TRPC5: variants seen among roughly 807,000 people sequenced by gnomAD.
The protein encoded by TRPC5 is transient receptor potential cation channel subfamily C member 5, also known as short transient receptor potential channel 5.
Under a neutral mutation model 56.5 loss-of-function variants are expected in TRPC5, and 9 were observed. That is an observed-to-expected ratio of 0.16 (90% CI 0.10 to 0.28). The LOEUF is 0.28. TRPC5 is among the 10% of genes least tolerant of loss of function. The pLI is 1.00. For synonymous variants in TRPC5, 282 were observed against 278.5 expected (o/e 1.01, Z -0.13); for missense variants, 469 against 748.9 (o/e 0.63, Z 4.36).
intron 1 of TRPC5, among the ~76,000 whole-genome samples, chrX:112,041,711 A>G (rs1042208514): frequency 8.9e-6 from 1 of 112,010 alleles, no homozygotes; most frequent in African/African-American, 3.3e-5. Context: ...TTGCAATGCA[A>G]CCAACTGCTT....
At chrX:111,825,954 A>T (rs776628757) in intron 7 of TRPC5, among the ~76,000 whole-genome samples, 3 of 112,319 alleles carry the variant, frequency 2.7e-5, no homozygotes, top group Non-Finnish European at 5.6e-5. Flanking sequence ...CAGACACCAA[A>T]GGGCAAAGGA....
chrX:112,035,261 C>A (rs772406626), intron 1 of TRPC5, among the ~76,000 whole-genome samples: 13 of 110,582 alleles, frequency 1.2e-4, no homozygotes, highest in Non-Finnish European at 1.7e-4. Flanking sequence ...AAGGTGGCTA[C>A]TCTGGATATC....
intron 1 of TRPC5, among the ~76,000 whole-genome samples, chrX:112,006,096 A>G (rs145485770): frequency 0.016 from 1,749 of 111,326 alleles, 32 homozygotes; most frequent in African/African-American, 0.054. Flanking sequence ...CTGCTGGCCC[A>G]TCAAGTTGCT....
intron 7 of TRPC5, among the ~76,000 whole-genome samples, chrX:111,807,520 TTC>T (rs1267228726): frequency 8.9e-6 from 1 of 112,745 alleles, no homozygotes; most frequent in African/African-American, 3.2e-5. Flanking sequence ...CTATTTTGAA[TTC>T]TCTGTCTGAA....
chrX:112,069,816 T>G (rs1022406687), intron 1 of TRPC5, among the ~76,000 whole-genome samples: 1 of 111,478 alleles, frequency 9.0e-6, no homozygotes, highest in African/African-American at 3.3e-5. Context: ...AGCATTTTAT[T>G]TGGATTTATC....
At chrX:111,812,601 T>G (rs947192231) in intron 7 of TRPC5, among the ~76,000 whole-genome samples, 1 of 111,548 alleles carries the variant, frequency 9.0e-6, no homozygotes, top group Non-Finnish European at 1.9e-5. Context: ...GTTCTGGGTA[T>G]AAAGAGATGA....
rs969652692 is a variant in TRPC5, at chrX:111,835,324, G to C, written c.1701-208C>G. ...TTTCCACTTCTATGTCTTATGCTTT[G>C]CTTTTCTACCTGAAATACCATTCCC... On this transcript the variant is annotated intron_variant, in intron 6 of 10. Coordinates refer to ENST00000262839, the MANE Select transcript of TRPC5 (RefSeq NM_012471.3). Among the ~76,000 whole-genome samples the C allele has an allele frequency of 5.4e-5, 6 of 112,104 alleles. No individual in the cohort carries two copies. In the Admixed American group the frequency reaches 5.7e-4, roughly 11 times the overall value.
intron 7 of TRPC5, among the ~76,000 whole-genome samples, chrX:111,785,824 G>C (rs946117316): frequency 9.0e-6 from 1 of 111,457 alleles, no homozygotes; most frequent in African/African-American, 3.3e-5. Flanking sequence ...AGTGATTGAA[G>C]ATCAAAGTAA....
At chrX:111,912,184 T>G in intron 3 of TRPC5, 107 bp downstream of exon 3, 5 of 941,661 alleles carry the variant, frequency 5.3e-6, no homozygotes, top group Non-Finnish European at 5.8e-6. Flanking sequence ...TGCCCAACCA[T>G]TTGTTTGTTA....
At position 111,921,160 on chromosome X, in the gene TRPC5, T is replaced by C. The variant is rs918702421; in HGVS notation, c.379-8348A>G. ...TCTTCTGTAAAAAGCCAGACAGTAA[T>C]TGATACTCTGTGGACCATACAACAA... On this transcript the variant is annotated intron_variant, in intron 2 of 10. Transcript: ENST00000262839. Among the ~76,000 whole-genome samples the C allele has an allele frequency of 8.9e-5, 10 of 111,761 alleles. No homozygotes were observed. The East Asian group carries it at 2.5e-3, about 28-fold the overall frequency.
chrX:111,867,840 G>A (rs1404787349), intron 3 of TRPC5, among the ~76,000 whole-genome samples: 1 of 111,795 alleles, frequency 8.9e-6, no homozygotes, highest in Admixed American at 9.5e-5. Flanking sequence ...CCACACACAC[G>A]TTTCTCTTTT....
intron 1 of TRPC5, among the ~76,000 whole-genome samples, chrX:112,015,375 G>A (rs924536689): frequency 9.1e-5 from 10 of 109,403 alleles, no homozygotes; most frequent in African/African-American, 3.4e-4. Context: ...TGGGGCCAAA[G>A]AATCTGGATT....
chrX:111,964,699 C>T, intron 1 of TRPC5, among the ~76,000 whole-genome samples: 1 of 111,699 alleles, frequency 9.0e-6, no homozygotes, highest in Non-Finnish European at 1.9e-5. Flanking sequence ...AATTTTCAAC[C>T]CAGAATTTCA....
intron 7 of TRPC5, among the ~76,000 whole-genome samples, chrX:111,791,734 C>T (rs1329216069): frequency 2.7e-5 from 3 of 112,295 alleles, no homozygotes; most frequent in Non-Finnish European, 5.6e-5. Flanking sequence ...ATATGGCACA[C>T]CACCCAAGCT....
intron 1 of TRPC5, among the ~76,000 whole-genome samples, chrX:112,067,818 A>G (rs1340880963): frequency 8.9e-6 from 1 of 112,356 alleles, no homozygotes; most frequent in Non-Finnish European, 1.9e-5. Flanking sequence ...GAGGAACGCC[A>G]GGTGCATCTC....
chrX:112,053,215 C>T (rs577698791), intron 1 of TRPC5, among the ~76,000 whole-genome samples: 115 of 111,932 alleles, frequency 1.0e-3, no homozygotes, highest in African/African-American at 3.6e-3. Context: ...GGAGTTTACT[C>T]GTGGGTATAC....
At chrX:112,005,377 G>A (rs1381840638) in intron 1 of TRPC5, among the ~76,000 whole-genome samples, 1 of 105,414 alleles carries the variant, frequency 9.5e-6, no homozygotes, top group African/African-American at 3.5e-5. Context: ...CCTGGGTGAC[G>A]AAATAATCTG....
chrX:112,075,822 A>G (rs1362999455), intron 1 of TRPC5, among the ~76,000 whole-genome samples: 1 of 111,794 alleles, frequency 8.9e-6, no homozygotes, highest in Non-Finnish European at 1.9e-5. Flanking sequence ...AATGATAGCC[A>G]CCAAAGAAAT....
At chrX:111,835,842 G>A (rs1922551304) in intron 6 of TRPC5, among the ~76,000 whole-genome samples, 1 of 111,842 alleles carries the variant, frequency 8.9e-6, no homozygotes, top group Non-Finnish European at 1.9e-5. Flanking sequence ...GCATGGAGGA[G>A]CTTGAGGATT....
Sources: allele counts gnomAD v4.1 joint callset (sites outside exome capture counted in the v4.1 genomes callset), GRCh38; gene constraint gnomAD v4.1.1; transcripts MANE v1.5; gene names NCBI Gene and HGNC (gene_info 2026-07-23, HGNC 2026-07-21).